Variants in PALS2 observed in about 807,000 individuals in gnomAD.
PALS2 encodes the protein protein associated with LIN7 2, MAGUK p55 family member.
PALS2 carries 27 observed loss-of-function variants against 61.6 expected under a neutral mutation model. The ratio of observed to expected loss-of-function variants is 0.44; its 90% confidence interval spans 0.32 to 0.60. The LOEUF (loss-of-function observed/expected upper bound fraction) is 0.60, where lower values mean the gene tolerates loss of function less well. PALS2 is among the 20% of genes least tolerant of loss of function. PALS2 has a pLI of 0.05. For synonymous variants in PALS2, 236 were observed against 218.6 expected (o/e 1.08, Z -0.70); for missense variants, 554 against 639.4 (o/e 0.87, Z 1.44).
At chr7:24,665,366 A>G (rs1786959653) in intron 6 of PALS2, among the ~76,000 whole-genome samples, 1 of 152,186 alleles carries the variant, frequency 6.6e-6, no homozygotes, top group Admixed American at 6.6e-5. Context: ...TGGTCCCCAC[A>G]TTTCACTACC....
At position 24,666,012 on chromosome 7, in the gene PALS2, A is replaced by G. The variant is rs1428507421; in HGVS notation, c.884-9A>G. 6.2e-7 allele frequency: 1 copy of G among 1,601,514 alleles called. No individual in the cohort carries two copies. Among genetic ancestry groups the G allele is most frequent in the South Asian group, 1.1e-5 (1 of 90,156 alleles). ...CTGCTTAAGTTATATTTGTTTTATC[A>G]TCCTTCAGGACCTTTTTGTGGAACT... On this transcript the variant is annotated splice_polypyrimidine_tract_variant and intron_variant, in intron 7 of 11. Coordinates refer to ENST00000222644, the MANE Select transcript of PALS2 (RefSeq NM_001303037.2).
chr7:24,636,470 A>T (rs77949169), intron 2 of PALS2, among the ~76,000 whole-genome samples: 9,630 of 152,238 alleles, frequency 0.063, 354 homozygotes, highest in African/African-American at 0.093. Flanking sequence ...GATACACAGT[A>T]GGTGACTATT....
intron 1 of PALS2, among the ~76,000 whole-genome samples, chr7:24,590,809 C>G (rs900450002): frequency 6.6e-6 from 1 of 151,292 alleles, no homozygotes; most frequent in African/African-American, 2.4e-5. Flanking sequence ...TTTGTTTTTT[C>G]CCCTTCATAT....
At chr7:24,645,462 T>A (rs1008135673) in intron 3 of PALS2, among the ~76,000 whole-genome samples, 3 of 152,196 alleles carry the variant, frequency 2.0e-5, no homozygotes, top group Non-Finnish European at 4.4e-5. Flanking sequence ...CTCTTTTCTG[T>A]TCCACTGGTC....
Position 24,689,466 on chromosome 7 carries a change from A to G in PALS2, c.*1852A>G, listed in dbSNP as rs1401577258. On this transcript the variant is annotated 3_prime_UTR_variant, in exon 12 of 12. Coordinates refer to ENST00000222644, the MANE Select transcript of PALS2 (RefSeq NM_001303037.2). ...ACGCCAGCTGGGAGGACTTTGAAGG[A>G]AAAGAAAATATATGACAATAGGCAG... is the stretch of plus-strand genomic sequence containing the variant. 1.3e-5 allele frequency: 2 copies of G among 152,164 alleles called. No individual in the cohort carries two copies. Among genetic ancestry groups the G allele is most frequent in the East Asian group, 3.8e-4 (2 of 5,196 alleles). 9.4% of individuals were successfully genotyped at this position (152,164 alleles called of 1,614,324 possible). A position where few individuals can be genotyped will look rare whatever the true frequency, so the allele number is the denominator to read the frequency against.
intron 9 of PALS2, among the ~76,000 whole-genome samples, chr7:24,672,068 C>T (rs1297656940): frequency 2.0e-5 from 3 of 150,098 alleles, no homozygotes; most frequent in Admixed American, 1.3e-4. Flanking sequence ...CCAGTTTCTG[C>T]AGAAAAGGTA....
chr7:24,663,864 A>G (rs1786870061), intron 6 of PALS2, 143 bp downstream of exon 6: 1 of 1,071,940 alleles, frequency 9.3e-7, no homozygotes, highest in Non-Finnish European at 1.3e-6. Flanking sequence ...GTGGCTACTA[A>G]TTTTGTGGAC....
At chr7:24,669,423 T>C (rs141698061) in intron 9 of PALS2, among the ~76,000 whole-genome samples, 152 of 152,340 alleles carry the variant, frequency 1.0e-3, no homozygotes, top group African/African-American at 3.5e-3. Context: ...AATAAACATT[T>C]GTCTTTGTTT....
intron 5 of PALS2, among the ~76,000 whole-genome samples, chr7:24,653,263 A>G (rs562982780): frequency 5.9e-5 from 9 of 152,324 alleles, no homozygotes; most frequent in African/African-American, 2.2e-4. Flanking sequence ...TAGAAAATCC[A>G]TATGTATGTA....
chr7:24,690,793 C>G lies in PALS2; in HGVS notation c.*3179C>G, dbSNP rs1038182038. 6.6e-6 allele frequency: 1 copy of G among 152,132 alleles called. No individual in the cohort carries two copies. Among genetic ancestry groups the G allele is most frequent in the African/African-American group, 2.4e-5 (1 of 41,418 alleles). 9.4% of individuals were successfully genotyped at this position (152,132 alleles called of 1,614,324 possible). A position where few individuals can be genotyped will look rare whatever the true frequency, so the allele number is the denominator to read the frequency against. On this transcript the variant is annotated 3_prime_UTR_variant, in exon 12 of 12. Coordinates refer to ENST00000222644, the MANE Select transcript of PALS2 (RefSeq NM_001303037.2). Reference sequence around the variant, plus strand: ...TAACTCTAACTATACAATTGCTGAACATAGCTTTCTGAAATAGAAATTATA... The same window carrying G: ...TAACTCTAACTATACAATTGCTGAAGATAGCTTTCTGAAATAGAAATTATA...
chr7:24,610,240 A>G (rs2128051739), intron 1 of PALS2, among the ~76,000 whole-genome samples: 1 of 152,282 alleles, frequency 6.6e-6, no homozygotes, highest in African/African-American at 2.4e-5. Flanking sequence ...TTAGGAGGGT[A>G]AGTAATTTAC....
In PALS2 at chr7:24,625,434, T is replaced by C. The variant is rs180877949; in HGVS notation, c.117+1650T>C. Among the ~76,000 whole-genome samples, 24 of 152,372 alleles carry C rather than the reference T, an allele frequency of 1.6e-4. No individual in the cohort carries two copies. The East Asian group carries it at 3.3e-3, about 21-fold the overall frequency. On this transcript the variant is annotated intron_variant, in intron 2 of 11. Coordinates refer to ENST00000222644, the MANE Select transcript of PALS2 (RefSeq NM_001303037.2). Reference sequence around the variant, plus strand: ...ACAACAACTTTATGAATTTAAAATATACTGTTTTATCTTTCAACAACTTTT... The same window carrying C: ...ACAACAACTTTATGAATTTAAAATACACTGTTTTATCTTTCAACAACTTTT...
intron 9 of PALS2, among the ~76,000 whole-genome samples, chr7:24,671,498 G>C (rs756972744): frequency 6.6e-6 from 1 of 151,966 alleles, no homozygotes; most frequent in Admixed American, 6.6e-5. Flanking sequence ...TGTTTTTGAT[G>C]GTGTCCTTTG....
intron 1 of PALS2, among the ~76,000 whole-genome samples, chr7:24,587,799 C>A (rs546869944): frequency 1.3e-3 from 196 of 152,258 alleles, no homozygotes; most frequent in Non-Finnish European, 2.2e-3. Context: ...ATAGCAAATA[C>A]ATCTTACAAC....
At chr7:24,651,626 GA>G (rs1455764158) in intron 5 of PALS2, among the ~76,000 whole-genome samples, 33 of 152,162 alleles carry the variant, frequency 2.2e-4, no homozygotes, top group African/African-American at 7.7e-4. Flanking sequence ...AATTGCGGAG[GA>G]AGAATTGAAA....
intron 9 of PALS2, among the ~76,000 whole-genome samples, chr7:24,675,023 C>T (rs1453785427): frequency 6.6e-6 from 1 of 152,102 alleles, no homozygotes; most frequent in South Asian, 2.1e-4. Context: ...GTAGTCAAAC[C>T]TTCATGTTCT....
At chr7:24,579,976 A>G (rs886587151) in intron 1 of PALS2, among the ~76,000 whole-genome samples, 1 of 152,128 alleles carries the variant, frequency 6.6e-6, no homozygotes, top group African/African-American at 2.4e-5. Flanking sequence ...GATATGTGGG[A>G]CTTTTAAAGA....
chr7:24,599,088 G>A (rs1783623792), intron 1 of PALS2, among the ~76,000 whole-genome samples: 1 of 152,150 alleles, frequency 6.6e-6, no homozygotes, highest in Admixed American at 6.6e-5. Context: ...GCATCATTGG[G>A]CGATTTCATG....
chr7:24,678,953 G>A (rs148786542), intron 9 of PALS2, among the ~76,000 whole-genome samples, 178 bp from the exon 10 acceptor site: 188 of 152,250 alleles, frequency 1.2e-3, no homozygotes, highest in African/African-American at 4.3e-3. Context: ...ATAAACAAAT[G>A]AGTATGGCTG....
Sources: allele counts gnomAD v4.1 joint callset (sites outside exome capture counted in the v4.1 genomes callset), GRCh38; gene constraint gnomAD v4.1.1; transcripts MANE v1.5; gene names NCBI Gene and HGNC (gene_info 2026-07-23, HGNC 2026-07-21).